CERT1: variants seen among roughly 807,000 people sequenced by gnomAD.
CERT1 encodes ceramide transfer protein.
CERT1 carries 31 observed loss-of-function variants against 87.9 expected under a neutral mutation model. The observed-to-expected ratio is 0.35, with a 90% CI of 0.27 to 0.48. The LOEUF (loss-of-function observed/expected upper bound fraction) is 0.48. Ranked by LOEUF, CERT1 falls within the 20% of genes least tolerant of loss-of-function variation. CERT1 has a pLI of 0.99. For synonymous variants in CERT1, 289 were observed against 250.9 expected (o/e 1.15, Z -1.44); for missense variants, 487 against 758.0 (o/e 0.64, Z 4.20).
chr5:75,403,496 T>A (rs963725793), intron 8 of CERT1, among the ~76,000 whole-genome samples: 2 of 152,264 alleles, frequency 1.3e-5, no homozygotes, highest in Non-Finnish European at 2.9e-5. Flanking sequence ...ACAGTGATGC[T>A]CATTCAGCTA....
At chr5:75,439,235 T>C (rs922519628) in intron 3 of CERT1, among the ~76,000 whole-genome samples, 3 of 151,916 alleles carry the variant, frequency 2.0e-5, no homozygotes, top group Middle Eastern at 3.2e-3. Flanking sequence ...AAACCTCTCT[T>C]AAAGTTGCAG....
intron 3 of CERT1, among the ~76,000 whole-genome samples, chr5:75,429,113 TC>T (rs1257033574): frequency 1.5e-4 from 23 of 150,746 alleles, no homozygotes; most frequent in African/African-American, 5.4e-4. Flanking sequence ...TACTTCCACC[TC>T]CAGCCTACAG....
At chr5:75,423,352 C>G (rs191258356) in intron 5 of CERT1, among the ~76,000 whole-genome samples, 1 of 150,798 alleles carries the variant, frequency 6.6e-6, no homozygotes, top group Non-Finnish European at 1.5e-5. Flanking sequence ...GAAGGAGAAA[C>G]AGAAGTTCAG....
At chr5:75,443,914 T>G (rs1481812897) in intron 3 of CERT1, among the ~76,000 whole-genome samples, 1 of 152,232 alleles carries the variant, frequency 6.6e-6, no homozygotes, top group Non-Finnish European at 1.5e-5. Flanking sequence ...TCTTAAAACC[T>G]TCTCTAACTT....
intron 9 of CERT1, 136 bp from the exon 10 acceptor site, chr5:75,400,433 C>G (rs1360521750): frequency 1.7e-6 from 1 of 587,292 alleles, no homozygotes; most frequent in Admixed American, 3.1e-5. Context: ...AATTATGAAA[C>G]TACTCCGCAG....
intron 7 of CERT1, among the ~76,000 whole-genome samples, chr5:75,415,291 G>C (rs1398909065): frequency 6.6e-6 from 1 of 152,200 alleles, no homozygotes; most frequent in African/African-American, 2.4e-5. Context: ...AGATAGATCT[G>C]TAAGAAGACT....
upstream of CERT1, chr5:75,511,969 G>C (rs900975270): frequency 2.9e-6 from 2 of 682,990 alleles, no homozygotes; most frequent in Non-Finnish European, 4.9e-6. Flanking sequence ...CAGTCGGTGG[G>C]TGGGCTTCGT....
intron 4 of CERT1, 76 bp from the exon 5 acceptor site, chr5:75,425,575 C>G: frequency 1.4e-6 from 2 of 1,477,928 alleles, no homozygotes; most frequent in Non-Finnish European, 1.9e-6. Context: ...GGTATTTCAT[C>G]AACTTTTAAG....
chr5:75,428,600 C>T (rs534963768), intron 3 of CERT1, among the ~76,000 whole-genome samples: 3 of 151,834 alleles, frequency 2.0e-5, no homozygotes, highest in South Asian at 2.1e-4. Flanking sequence ...ATGGCATGAA[C>T]CTGGGAGGCG....
chr5:75,497,755 T>G (rs1295458302), intron 2 of CERT1, among the ~76,000 whole-genome samples: 1 of 152,060 alleles, frequency 6.6e-6, no homozygotes, highest in Non-Finnish European at 1.5e-5. Context: ...AAATACCCAG[T>G]CTCGGGTATT....
chr5:75,387,935 T>A (rs1479413527), intron 12 of CERT1, among the ~76,000 whole-genome samples: 1 of 152,136 alleles, frequency 6.6e-6, no homozygotes, highest in Non-Finnish European at 1.5e-5. Flanking sequence ...TAGAGGGACG[T>A]CATCCAGACC....
At chr5:75,373,484 T>C (rs1478360450), downstream of CERT1, 3 of 152,106 alleles carry the variant, frequency 2.0e-5, no homozygotes, top group Non-Finnish European at 1.5e-5. Context: ...AAAAATATAA[T>C]AGAAATATAA....
chr5:75,468,426 G>A (rs569137482), intron 2 of CERT1, among the ~76,000 whole-genome samples: 1 of 152,092 alleles, frequency 6.6e-6, no homozygotes, highest in African/African-American at 2.4e-5. Context: ...TCCTAATACT[G>A]GGCCTGCCAC....
intron 12 of CERT1, among the ~76,000 whole-genome samples, chr5:75,386,726 G>T (rs1461440616): frequency 6.6e-6 from 1 of 152,096 alleles, no homozygotes; most frequent in Non-Finnish European, 1.5e-5. Context: ...GATTTTCTTA[G>T]AGTATCTCTC....
chr5:75,503,655 C>CT (rs1561309384), intron 2 of CERT1, among the ~76,000 whole-genome samples: 1 of 151,764 alleles, frequency 6.6e-6, no homozygotes, highest in Non-Finnish European at 1.5e-5. Flanking sequence ...CCTAATTCAT[C>CT]TTTTTACTTC....
intron 2 of CERT1, among the ~76,000 whole-genome samples, chr5:75,475,019 A>G (rs1765896744): frequency 6.6e-6 from 1 of 152,054 alleles, no homozygotes; most frequent in South Asian, 2.1e-4. Flanking sequence ...TATATCTAGT[A>G]CCTAACATAC....
chr5:75,503,361 G>C (rs944250852), intron 2 of CERT1, among the ~76,000 whole-genome samples: 9 of 151,656 alleles, frequency 5.9e-5, no homozygotes, highest in Admixed American at 6.6e-5. Flanking sequence ...AGTGACAATA[G>C]GCATAGCCCA....
intron 3 of CERT1, among the ~76,000 whole-genome samples, chr5:75,439,843 G>A (rs1029538801): frequency 6.6e-6 from 1 of 152,006 alleles, no homozygotes; most frequent in Non-Finnish European, 1.5e-5. Context: ...TATATTATCT[G>A]AGGTAAAATT....
chr5:75,369,225 C>G (rs1409052263), intron 17 of CERT1: 1 of 152,178 alleles, frequency 6.6e-6, no homozygotes, highest in Non-Finnish European at 1.5e-5. Context: ...TGAAAATGTA[C>G]TTTTGACTTA....
Sources: allele counts gnomAD v4.1 joint callset (sites outside exome capture counted in the v4.1 genomes callset), GRCh38; gene constraint gnomAD v4.1.1; transcripts MANE v1.5; gene names NCBI Gene and HGNC (gene_info 2026-07-23, HGNC 2026-07-21).